The following TBX2 variants were observed in gnomAD, a reference collection of about 807,000 sequenced individuals.
TBX2 encodes the protein T-box transcription factor 2, also known as T-box transcription factor TBX2.
In TBX2, 19 loss-of-function variants were observed where a neutral mutation model predicts 48.4. That is an observed-to-expected ratio of 0.39 (90% CI 0.27 to 0.58). The LOEUF (loss-of-function observed/expected upper bound fraction) is 0.58, where lower values mean the gene tolerates loss of function less well. Ranked by LOEUF, TBX2 falls within the 20% of genes least tolerant of loss-of-function variation. The pLI, the probability that TBX2 is intolerant of heterozygous loss-of-function variation, is 0.54. For synonymous variants in TBX2, 522 were observed against 459.7 expected (o/e 1.14, Z -1.73); for missense variants, 994 against 1,006.5 (o/e 0.99, Z 0.17).
At chr17:61,402,186 T>A (rs921879784) in intron 2 of TBX2, among the ~76,000 whole-genome samples, 10 of 152,112 alleles carry the variant, frequency 6.6e-5, no homozygotes, top group Admixed American at 2.0e-4. Flanking sequence ...GCTCACAATC[T>A]CAGTTCCTCA....
At chr17:61,401,057 C>T (rs555695372) in intron 1 of TBX2, among the ~76,000 whole-genome samples, 1 of 152,320 alleles carries the variant, frequency 6.6e-6, no homozygotes, top group South Asian at 2.1e-4. Flanking sequence ...GCCGAGCCCT[C>T]CGCCTCACCG....
chr17:61,405,131 C>A, intron 5 of TBX2, 71 bp from the exon 6 acceptor site: 1 of 1,484,190 alleles, frequency 6.7e-7, no homozygotes, highest in Non-Finnish European at 8.9e-7. Context: ...AGCAGCCCTT[C>A]CCGAGTGTCC....
In TBX2 at chr17:61,405,503, G is replaced by A. The variant is rs888561229; in HGVS notation, c.1353G>A (p.Val451=). The A allele has an allele frequency of 6.3e-7, 1 of 1,583,530 alleles. No homozygotes were observed. Among genetic ancestry groups the A allele is most frequent in the African/African-American group, 1.3e-5 (1 of 74,518 alleles). The change falls in exon 6 of 7, where the codon GTG becomes GTA. Residue 451 remains valine (V), a synonymous_variant. Transcript: ENST00000240328. ...AGGAGCAGGGCCTGGCGCCGCTGGTGGTGCAGACAGACAGTGCGTCCCCCC... is the reference window on the plus strand; with the variant it reads ...AGGAGCAGGGCCTGGCGCCGCTGGTAGTGCAGACAGACAGTGCGTCCCCCC... ...EGKEQGLAPL[V]VQTDSASPLG...
intron 1 of TBX2, among the ~76,000 whole-genome samples, chr17:61,401,041 G>T (rs2060262031): frequency 6.6e-6 from 1 of 152,082 alleles, no homozygotes; most frequent in Admixed American, 6.5e-5. Context: ...AGCGAGCCCC[G>T]GGTCAGCCGA....
At chr17:61,407,027 C>G (rs976102357) in intron 6 of TBX2, 1 of 152,176 alleles carries the variant, frequency 6.6e-6, no homozygotes, top group South Asian at 2.1e-4. Context: ...GTGCATGACC[C>G]GGGTGAGAAT....
chr17:61,402,750 G>GT (rs920390201), intron 2 of TBX2, among the ~76,000 whole-genome samples: 7 of 151,170 alleles, frequency 4.6e-5, no homozygotes, highest in African/African-American at 1.5e-4. Flanking sequence ...TTTTTGTTTT[G>GT]TTTTTTGTTT....
Position 61,408,580 on chromosome 17 carries a change from C to A in TBX2, c.*74C>A. 2 of 1,292,660 alleles carry A rather than the reference C, an allele frequency of 1.5e-6. No individual in the cohort carries two copies. The highest frequency in any genetic ancestry group is 2.0e-6 in the Non-Finnish European group (2 of 992,864). 80.1% of individuals were successfully genotyped at this position (1,292,660 alleles called of 1,614,324 possible). A position where few individuals can be genotyped will look rare whatever the true frequency, so the allele number is the denominator to read the frequency against. On this transcript the variant is annotated 3_prime_UTR_variant, in exon 7 of 7. Transcript: ENST00000240328. ...CCCCTGCTGCTTGGGACGTGTACAG[C>A]ACAGAATGAGTATTTATTTAAATAA...
At chr17:61,407,911 G>A (rs1283940287) in intron 6 of TBX2, 143 bp from the exon 7 acceptor site, 1 of 1,081,852 alleles carries the variant, frequency 9.2e-7, no homozygotes, top group East Asian at 2.5e-5. Flanking sequence ...GCTTACCTGT[G>A]CTGCCTGTGG....
Position 61,403,311 on chromosome 17 carries a change from C to G in TBX2, c.810+104C>G. Reference sequence around the variant, plus strand: ...CCCTCGAAGCCCCCTGCACGGGATCCGCGCTCTTGCGGCCCGCCCCCGAGC... The same window carrying G: ...CCCTCGAAGCCCCCTGCACGGGATCGGCGCTCTTGCGGCCCGCCCCCGAGC... On this transcript the variant is annotated intron_variant, in intron 3 of 6. Coordinates refer to ENST00000240328, the MANE Select transcript of TBX2 (RefSeq NM_005994.4). The surrounding 1 kb of genome is among the most constrained non-coding windows in gnomAD (Gnocchi z 5.8). 1 of 1,510,930 alleles carries G rather than the reference C, an allele frequency of 6.6e-7. No homozygotes were observed. Among genetic ancestry groups the G allele is most frequent in the South Asian group, 1.2e-5 (1 of 81,988 alleles). 93.6% of individuals were successfully genotyped at this position (1,510,930 alleles called of 1,614,324 possible).
chr17:61,409,321 G>GCCCCTCGA lies in TBX2; in HGVS notation c.*823_*830dup, dbSNP rs1433727419. On this transcript the variant is annotated 3_prime_UTR_variant, in exon 7 of 7. Transcript: ENST00000240328. ...CCCTGGAGGAGCCACCACCCCGCCG[G>GCCCCTCGA]CCCCTCGACCCCTCGGCCCCTCGGC... The GCCCCTCGA allele has an allele frequency of 6.6e-6, 1 of 152,466 alleles. No homozygotes were observed. Among genetic ancestry groups the GCCCCTCGA allele is most frequent in the Admixed American group, 6.5e-5 (1 of 15,298 alleles). 9.4% of individuals were successfully genotyped at this position (152,466 alleles called of 1,614,324 possible).
In TBX2 at chr17:61,402,963, A is replaced by G. The variant is rs879089825; in HGVS notation, c.664-98A>G. On this transcript the variant is annotated intron_variant, in intron 2 of 6. Coordinates refer to ENST00000240328, the MANE Select transcript of TBX2 (RefSeq NM_005994.4). Reference sequence around the variant, plus strand: ...GAGAGAGAGAGAGAGAGAGAGAGAGAGAGAGAGAAAGTGGAGAGGAAGAGG... The same window carrying G: ...GAGAGAGAGAGAGAGAGAGAGAGAGGGAGAGAGAAAGTGGAGAGGAAGAGG... 1,121 of 176,416 alleles carry G rather than the reference A, an allele frequency of 6.4e-3. 101 individuals carry two copies. Among genetic ancestry groups the G allele is most frequent in the African/African-American group, 0.055 (890 of 16,216 alleles). 10.9% of individuals were successfully genotyped at this position (176,416 alleles called of 1,614,324 possible).
In TBX2 at chr17:61,405,237, G is replaced by T; in HGVS notation, c.1087G>T (p.Glu363Ter). ...GTCGTGCGCCGCGGACAGCGACCCG[G>T]AGCCTGAGCGGTTGAGCGAGGAGCG... ...EKSCAADSDP[E>*]PERLSEERAG... The change falls in exon 6 of 7, where the codon GAG (glutamate) becomes TAG (stop). Residue 363 changes from glutamate to a stop codon, truncating the protein, a stop_gained. Transcript: ENST00000240328. LOFTEE classifies it high-confidence loss of function. 6.4e-7 allele frequency: 1 copy of T among 1,569,096 alleles called. No individual in the cohort carries two copies.
At position 61,408,083 on chromosome 17, in the gene TBX2, C is replaced by G. The variant is rs755607157; in HGVS notation, c.1716C>G (p.Leu572=). ...QGIPMPTFGG[L]FPYPYTYMAA... is the part of the protein sequence containing the mutation. Reference sequence around the variant, plus strand: ...TTCCAATGCCCACTTTCGGAGGCCTCTTCCCCTACCCCTACACCTACATGG... The same window carrying G: ...TTCCAATGCCCACTTTCGGAGGCCTGTTCCCCTACCCCTACACCTACATGG... Residue 572 remains leucine (L), a synonymous_variant, in exon 7 of 7, where the codon CTC becomes CTG. Transcript: ENST00000240328. 6.3e-7 allele frequency: 1 copy of G among 1,599,228 alleles called. No individual in the cohort carries two copies. Among genetic ancestry groups the G allele is most frequent in the African/African-American group, 1.3e-5 (1 of 74,362 alleles).
In TBX2 at chr17:61,408,850, G is replaced by C. The variant is rs543580863; in HGVS notation, c.*344G>C. ...CCTGCAGAAGCCAGAAGGTGCAGGG[G>C]CCAGGGGTGGGAGCATCGGAGGGAG... is the stretch of plus-strand genomic sequence containing the variant. On this transcript the variant is annotated 3_prime_UTR_variant, in exon 7 of 7. Transcript: ENST00000240328. The C allele has an allele frequency of 4.1e-6, 1 of 241,808 alleles. No homozygotes were observed. The highest frequency in any genetic ancestry group is 5.6e-5 in the Admixed American group (1 of 17,726). 15.0% of individuals were successfully genotyped at this position (241,808 alleles called of 1,614,324 possible).
At position 61,406,205 on chromosome 17, in the gene TBX2, T is replaced by C; in HGVS notation, c.1686+369T>C. 4.6e-6 allele frequency: 1 copy of C among 217,448 alleles called. No homozygotes were observed. Among genetic ancestry groups the C allele is most frequent in the Non-Finnish European group, 9.0e-6 (1 of 110,640 alleles). The allele number at this position is 217,448 out of a possible 1,614,324, so 13.5% of individuals were successfully genotyped here. Reference sequence around the variant, plus strand: ...GCTTGTGAAGTCTTCTCTCCTGGCCTCAGGACATTTTTCTTGAGAACAAAG... The same window carrying C: ...GCTTGTGAAGTCTTCTCTCCTGGCCCCAGGACATTTTTCTTGAGAACAAAG... On this transcript the variant is annotated intron_variant, in intron 6 of 6. Coordinates refer to ENST00000240328, the MANE Select transcript of TBX2 (RefSeq NM_005994.4). This position sits in a 1 kb window ranked among gnomAD's most constrained non-coding sequence, Gnocchi z 5.7.
chr17:61,405,042 A>C (rs1359625203), intron 5 of TBX2, 160 bp from the exon 6 acceptor site: 1 of 1,449,168 alleles, frequency 6.9e-7, no homozygotes, highest in African/African-American at 1.4e-5. Flanking sequence ...TTCCACTGTA[A>C]ATCTGGGGTC....
Position 61,401,705 on chromosome 17 carries a change from G to T in TBX2, c.417G>T (p.Lys139Asn). ...KSGRRMFPPF[K>N]VRVSGLDKKA... ...CCAGGCGGATGTTCCCCCCCTTCAA[G>T]GTGCGAGTCAGCGGCCTGGACAAGA... The change falls in exon 2 of 7, where the codon AAG becomes AAT. Residue 139 changes from lysine (K) to asparagine (N), a missense_variant. This residue lies in a region of TBX2 where 153 missense variants were observed against 166.2 expected (regional missense o/e 0.92). Coordinates refer to ENST00000240328, the MANE Select transcript of TBX2 (RefSeq NM_005994.4). 1 of 1,612,566 alleles carries T rather than the reference G, an allele frequency of 6.2e-7. No homozygotes were observed. Among genetic ancestry groups the T allele is most frequent in the Non-Finnish European group, 8.5e-7 (1 of 1,179,674 alleles).
At position 61,400,395 on chromosome 17, in the gene TBX2, G is replaced by T; in HGVS notation, c.219G>T (p.Ala73=). ...AAAAAAAAAE[A]GLHVSALGPH... ...CGGCGGCGGCAGCAGCGGCCGAGGC[G>T]GGGCTGCACGTCTCGGCACTGGGCC... is the stretch of plus-strand genomic sequence containing the variant. The change falls in exon 1 of 7, where the codon GCG becomes GCT. Residue 73 remains alanine (A), a synonymous_variant. Coordinates refer to ENST00000240328, the MANE Select transcript of TBX2 (RefSeq NM_005994.4). This position sits in a 1 kb window ranked among gnomAD's most constrained non-coding sequence, Gnocchi z 9.2. 3.9e-6 allele frequency: 5 copies of T among 1,290,086 alleles called. No individual in the cohort carries two copies. The highest frequency in any genetic ancestry group is 5.0e-6 in the Non-Finnish European group (5 of 1,010,082). 79.9% of individuals were successfully genotyped at this position (1,290,086 alleles called of 1,614,324 possible).
In TBX2 at chr17:61,408,640, C is replaced by A; in HGVS notation, c.*134C>A. On this transcript the variant is annotated 3_prime_UTR_variant, in exon 7 of 7. Transcript: ENST00000240328. Reference sequence around the variant, plus strand: ...GTGGGCTGCAGCAGCCGGAATAGAGCCTCGTCTGGCAAGTCGGGGCCTGGG... The same window carrying A: ...GTGGGCTGCAGCAGCCGGAATAGAGACTCGTCTGGCAAGTCGGGGCCTGGG... 2 of 861,928 alleles carry A rather than the reference C, an allele frequency of 2.3e-6. No homozygotes were observed. The highest frequency in any genetic ancestry group is 3.2e-6 in the Non-Finnish European group (2 of 623,006). 53.4% of individuals were successfully genotyped at this position (861,928 alleles called of 1,614,324 possible).
Sources: allele counts gnomAD v4.1 joint callset (sites outside exome capture counted in the v4.1 genomes callset), GRCh38; gene constraint gnomAD v4.1.1; regional missense constraint gnomAD v4.1.1; non-coding constraint Gnocchi (gnomAD v3.1); transcripts MANE v1.5; gene names NCBI Gene and HGNC (gene_info 2026-07-23, HGNC 2026-07-21).